ABI3BP: variants seen among roughly 807,000 people sequenced by gnomAD.
ABI3BP encodes the protein target of Nesh-SH3.
In ABI3BP, 216 loss-of-function variants were observed where a neutral mutation model predicts 268.6. The observed-to-expected ratio is 0.80, with a 90% confidence interval of 0.72 to 0.90. ABI3BP has a LOEUF of 0.90. Among genes scored for constraint, ABI3BP ranks in the 40% least tolerant of loss-of-function variants. The pLI, the probability that ABI3BP is intolerant of heterozygous loss-of-function variation, is 0.00. For missense variants in ABI3BP, 2,090 were observed against 2,182.4 expected (o/e 0.96, Z 0.84); for synonymous variants, 730 against 730.0 (o/e 1.00, Z 0.00).
chr3:100,841,447 C>A (rs1190483640), intron 21 of ABI3BP, among the ~76,000 whole-genome samples: 2 of 151,890 alleles, frequency 1.3e-5, no homozygotes, highest in African/African-American at 2.4e-5. Context: ...AGGGCATATT[C>A]CTCAAATGTA....
chr3:100,864,473 T>A, intron 11 of ABI3BP: 1 of 322,328 alleles, frequency 3.1e-6, no homozygotes, highest in South Asian at 5.8e-5. Context: ...CCAAAGCCAC[T>A]CTAAGCAGAA....
intron 1 of ABI3BP, among the ~76,000 whole-genome samples, chr3:100,970,551 AT>A (rs1354422831): frequency 6.6e-6 from 1 of 152,170 alleles, no homozygotes; most frequent in East Asian, 1.9e-4. Context: ...ATTTTTATTA[AT>A]TTGCTTGCTT....
Position 100,824,818 on chromosome 3 carries a change from TGCCA to T in ABI3BP, c.2746+36_2746+39del, listed in dbSNP as rs1382927876. ...TGCTTCAGTCCCCACTGCGACAGGCTGCCAGGGATCACCCTTAAACCAAGGAATC... is the reference window on the plus strand; with the variant it reads ...TGCTTCAGTCCCCACTGCGACAGGCTGGGATCACCCTTAAACCAAGGAATC... On this transcript the variant is annotated intron_variant, in intron 36 of 67. Coordinates refer to ENST00000471714, the MANE Select transcript of ABI3BP (RefSeq NM_001375547.2). The T allele has an allele frequency of 4.0e-6, 6 of 1,495,196 alleles. No homozygotes were observed. The Admixed American group carries it at 1.2e-4, about 30-fold the overall frequency. 92.6% of individuals were successfully genotyped at this position (1,495,196 alleles called of 1,614,324 possible).
At chr3:100,958,621 A>C (rs375162787) in intron 1 of ABI3BP, among the ~76,000 whole-genome samples, 2,326 of 41,508 alleles carry the variant, frequency 0.056, 25 homozygotes, top group Middle Eastern at 0.25. Flanking sequence ...AAGAAAGAAA[A>C]CAAACAACCA....
In ABI3BP at chr3:100,754,601, G is replaced by A; in HGVS notation, c.4930+11C>T. Reference sequence around the variant, plus strand: ...TACATCCTTTTTGGGAATTACTGTTGATGTAATTACCTGATTCAGTACTGA... The same window carrying A: ...TACATCCTTTTTGGGAATTACTGTTAATGTAATTACCTGATTCAGTACTGA... On this transcript the variant is annotated intron_variant, in intron 64 of 67. Coordinates refer to ENST00000471714, the MANE Select transcript of ABI3BP (RefSeq NM_001375547.2). The A allele has an allele frequency of 6.4e-7, 1 of 1,570,312 alleles. No homozygotes were observed. Among genetic ancestry groups the A allele is most frequent in the Non-Finnish European group, 8.7e-7 (1 of 1,155,802 alleles).
intron 10 of ABI3BP, among the ~76,000 whole-genome samples, chr3:100,865,992 C>T (rs4244707): frequency 0.59 from 89,486 of 152,050 alleles, 26,549 homozygotes; most frequent in Admixed American, 0.63. Context: ...ACCATATTCA[C>T]CTTGCTCTCT....
intron 1 of ABI3BP, among the ~76,000 whole-genome samples, chr3:100,982,041 A>G (rs2089755039): frequency 6.6e-6 from 1 of 152,202 alleles, no homozygotes; most frequent in Non-Finnish European, 1.5e-5. Flanking sequence ...GAAACTTAGA[A>G]TTATGGCAGA....
At chr3:100,799,701 C>T (rs1056673841) in intron 51 of ABI3BP, among the ~76,000 whole-genome samples, 1 of 152,118 alleles carries the variant, frequency 6.6e-6, no homozygotes, top group Non-Finnish European at 1.5e-5. Flanking sequence ...TCTGGAAGCT[C>T]TTTTTCCTGT....
chr3:100,822,589 C>T lies in ABI3BP; in HGVS notation c.2887G>A (p.Val963Ile). The change falls in exon 38 of 68, where the codon GTT becomes ATT. Residue 963 changes from valine (V) to isoleucine (I), a missense_variant and splice_region_variant. By Grantham distance (29) the Val-to-Ile change is conservative. Coordinates refer to ENST00000471714, the MANE Select transcript of ABI3BP (RefSeq NM_001375547.2). Reference protein sequence around the residue: ...PRPEAPESKPVPTAELKPVTL... With the variant: ...PRPEAPESKPIPTAELKPVTL... ...TTTAAACCAGGAACACATAGTTTAC[C>T]TGGTTTGGATTCAGGTGCTTCAGGA... 1 of 1,536,210 alleles carries T rather than the reference C, an allele frequency of 6.5e-7. No homozygotes were observed.
chr3:100,836,116 G>A (rs1159765196), intron 27 of ABI3BP, among the ~76,000 whole-genome samples: 2 of 152,102 alleles, frequency 1.3e-5, no homozygotes, highest in African/African-American at 2.4e-5. Flanking sequence ...CAAAAGTCTT[G>A]TACGTTTTAT....
chr3:100,750,373 G>T lies in ABI3BP; in HGVS notation c.*122C>A. On this transcript the variant is annotated 3_prime_UTR_variant, in exon 68 of 68. Transcript: ENST00000471714. ...TTTCTAATAATAAACATCTAGTATT[G>T]CTATTAATTAGATTGTAGACTTTTA... is the stretch of plus-strand genomic sequence containing the variant. 1.6e-6 allele frequency: 1 copy of T among 625,660 alleles called. No individual in the cohort carries two copies. Among genetic ancestry groups the T allele is most frequent in the Non-Finnish European group, 2.7e-6 (1 of 375,582 alleles). The allele number at this position is 625,660 out of a possible 1,614,324, so 38.8% of individuals were successfully genotyped here.
intron 1 of ABI3BP, among the ~76,000 whole-genome samples, chr3:100,985,984 A>C (rs1232562041): frequency 6.6e-6 from 1 of 152,216 alleles, no homozygotes; most frequent in Non-Finnish European, 1.5e-5. Context: ...TGAGGTATAC[A>C]ATCAACTTGT....
intron 2 of ABI3BP, among the ~76,000 whole-genome samples, chr3:100,907,716 CA>C (rs1209535733): frequency 3.3e-5 from 5 of 151,956 alleles, no homozygotes; most frequent in East Asian, 1.9e-4. Context: ...AATATCGATG[CA>C]AAAAAACCCT....
chr3:100,923,515 C>A (rs963383775), intron 2 of ABI3BP, among the ~76,000 whole-genome samples: 3 of 152,048 alleles, frequency 2.0e-5, no homozygotes, highest in Admixed American at 6.6e-5. Flanking sequence ...TTGATAAAAA[C>A]CCATTAAATA....
chr3:100,912,730 C>T (rs1263972225), intron 2 of ABI3BP, among the ~76,000 whole-genome samples: 4 of 152,210 alleles, frequency 2.6e-5, no homozygotes, highest in African/African-American at 9.7e-5. Context: ...TTCATCAACA[C>T]TAAGCCTGAG....
chr3:100,978,614 C>G (rs1348786414), intron 1 of ABI3BP, among the ~76,000 whole-genome samples: 2 of 152,158 alleles, frequency 1.3e-5, no homozygotes, highest in Admixed American at 1.3e-4. Flanking sequence ...TAAAAGGCAG[C>G]CAGCAAGTTC....
intron 27 of ABI3BP, among the ~76,000 whole-genome samples, chr3:100,836,726 A>G (rs1454993020): frequency 6.6e-6 from 1 of 152,230 alleles, no homozygotes; most frequent in Non-Finnish European, 1.5e-5. Flanking sequence ...ACAGTTATGT[A>G]CCATCATGAG....
chr3:100,926,627 A>T (rs1219537958), intron 1 of ABI3BP, 146 bp from the exon 2 acceptor site: 4 of 690,018 alleles, frequency 5.8e-6, no homozygotes, highest in Non-Finnish European at 9.9e-6. Flanking sequence ...GCACACACCC[A>T]AACGCCCAAA....
chr3:100,837,431 G>A, intron 26 of ABI3BP: 1 of 346,814 alleles, frequency 2.9e-6, no homozygotes, highest in Non-Finnish European at 5.1e-6. Flanking sequence ...CTTCTTATGT[G>A]GTAGAAAATT....
Sources: allele counts gnomAD v4.1 joint callset (sites outside exome capture counted in the v4.1 genomes callset), GRCh38; gene constraint gnomAD v4.1.1; transcripts MANE v1.5; gene names NCBI Gene and HGNC (gene_info 2026-07-23, HGNC 2026-07-21).